The following B3GALT1 variants were observed in gnomAD, a reference collection of about 807,000 sequenced individuals.
The protein encoded by B3GALT1 is beta-1,3-galactosyltransferase 1.
Under a neutral mutation model 23.2 loss-of-function variants are expected in B3GALT1, and 10 were observed. The ratio of observed to expected loss-of-function variants is 0.43; its 90% confidence interval spans 0.27 to 0.73. The LOEUF (loss-of-function observed/expected upper bound fraction) is 0.73, where lower values mean the gene tolerates loss of function less well. B3GALT1 is among the 30% of genes least tolerant of loss of function. The probability of loss-of-function intolerance (pLI) is 0.21; values close to 1 mark genes in which losing one functional copy is unlikely to be tolerated. For synonymous variants in B3GALT1, 156 were observed against 141.5 expected (o/e 1.10, Z -0.73); for missense variants, 299 against 405.4 (o/e 0.74, Z 2.25).
At chr2:167,633,303 C>T (rs1472590124) in intron 2 of B3GALT1, among the ~76,000 whole-genome samples, 3 of 151,120 alleles carry the variant, frequency 2.0e-5, no homozygotes, top group Non-Finnish European at 4.4e-5. Flanking sequence ...TTGGATTACC[C>T]ACAAAGGGAA....
intron 2 of B3GALT1, among the ~76,000 whole-genome samples, chr2:167,593,933 G>T (rs187724514): frequency 1.3e-5 from 2 of 152,304 alleles, no homozygotes; most frequent in East Asian, 1.9e-4. Flanking sequence ...TATGAGAATG[G>T]ATAAACCACC....
chr2:167,477,470 G>A (rs765290659), intron 1 of B3GALT1, among the ~76,000 whole-genome samples: 15 of 152,176 alleles, frequency 9.9e-5, no homozygotes, highest in Non-Finnish European at 1.8e-4. Context: ...ATAAAATTAG[G>A]TGATTAGACA....
intron 3 of B3GALT1, among the ~76,000 whole-genome samples, chr2:167,752,699 T>A (rs1229323878): frequency 6.6e-6 from 1 of 151,326 alleles, no homozygotes; most frequent in Non-Finnish European, 1.5e-5. Context: ...ATCTCCTAGG[T>A]GAACAAAGCT....
intron 4 of B3GALT1, among the ~76,000 whole-genome samples, chr2:167,847,059 A>G (rs1015594905): frequency 6.6e-6 from 1 of 152,192 alleles, no homozygotes; most frequent in African/African-American, 2.4e-5. Flanking sequence ...AAATATCACA[A>G]TCCTAAACAT....
At chr2:167,718,203 T>C (rs1687180919) in intron 3 of B3GALT1, among the ~76,000 whole-genome samples, 1 of 152,168 alleles carries the variant, frequency 6.6e-6, no homozygotes, top group African/African-American at 2.4e-5. Flanking sequence ...TCAGCAAGAA[T>C]TAAGATTCTC....
At chr2:167,557,426 T>C (rs1683874077) in intron 2 of B3GALT1, among the ~76,000 whole-genome samples, 1 of 152,218 alleles carries the variant, frequency 6.6e-6, no homozygotes, top group Non-Finnish European at 1.5e-5. Context: ...ATTTTAGGTT[T>C]GTTATATATT....
intron 1 of B3GALT1, among the ~76,000 whole-genome samples, chr2:167,454,215 A>G (rs201764484): frequency 0.012 from 1,834 of 149,032 alleles, 43 homozygotes; most frequent in African/African-American, 0.045. Flanking sequence ...GTGTGTGCGC[A>G]CGCGCGCGTG....
At chr2:167,659,283 AT>A (rs1310553459) in intron 3 of B3GALT1, among the ~76,000 whole-genome samples, 3 of 151,800 alleles carry the variant, frequency 2.0e-5, no homozygotes, top group Non-Finnish European at 2.9e-5. Flanking sequence ...AATTTTTTAA[AT>A]TGTTACCCTT....
intron 1 of B3GALT1, among the ~76,000 whole-genome samples, chr2:167,461,191 C>A: frequency 6.6e-6 from 1 of 152,178 alleles, no homozygotes; most frequent in Non-Finnish European, 1.5e-5. Flanking sequence ...CCACTCTGGG[C>A]CCCACAAGCC....
At chr2:167,691,084 AAATTC>A (rs1422618233) in intron 3 of B3GALT1, among the ~76,000 whole-genome samples, 1 of 152,170 alleles carries the variant, frequency 6.6e-6, no homozygotes, top group Non-Finnish European at 1.5e-5. Context: ...ATTGATGTTT[AAATTC>A]AATGATAAGT....
At chr2:167,605,790 A>C (rs1358045790) in intron 2 of B3GALT1, among the ~76,000 whole-genome samples, 1 of 152,204 alleles carries the variant, frequency 6.6e-6, no homozygotes, top group Non-Finnish European at 1.5e-5. Flanking sequence ...ACCTCAGAAC[A>C]AGGTTAACAG....
chr2:167,467,825 T>C (rs1377850950), intron 1 of B3GALT1, among the ~76,000 whole-genome samples: 1 of 152,186 alleles, frequency 6.6e-6, no homozygotes, highest in East Asian at 1.9e-4. Flanking sequence ...TATTCATTGA[T>C]TCATTTATTC....
chr2:167,668,925 G>T (rs1354893638), intron 3 of B3GALT1, among the ~76,000 whole-genome samples: 1 of 152,190 alleles, frequency 6.6e-6, no homozygotes, highest in Non-Finnish European at 1.5e-5. Context: ...CGCTCACGCT[G>T]GGAGCTATAG....
chr2:167,713,892 T>C (rs1050588973), intron 3 of B3GALT1: 66 of 1,583,646 alleles, frequency 4.2e-5, no homozygotes, highest in Non-Finnish European at 5.6e-5. Context: ...CCAAACATGG[T>C]TCCTGGAGGA....
intron 1 of B3GALT1, among the ~76,000 whole-genome samples, chr2:167,468,745 G>A (rs1490131631): frequency 6.6e-6 from 1 of 152,150 alleles, no homozygotes; most frequent in Non-Finnish European, 1.5e-5. Flanking sequence ...TGTGGCACAT[G>A]CCTGAGTCCC....
At chr2:167,686,500 A>C (rs1574212546) in intron 3 of B3GALT1, among the ~76,000 whole-genome samples, 1 of 152,300 alleles carries the variant, frequency 6.6e-6, no homozygotes, top group East Asian at 1.9e-4. Flanking sequence ...TGCCATTTTA[A>C]GCATCTACTG....
chr2:167,420,242 C>G (rs1227537654), intron 1 of B3GALT1, among the ~76,000 whole-genome samples: 1 of 152,176 alleles, frequency 6.6e-6, no homozygotes, highest in Non-Finnish European at 1.5e-5. Context: ...GGATTAGTAA[C>G]CAGAGAAATG....
At chr2:167,680,634 T>A (rs1329485487) in intron 3 of B3GALT1, among the ~76,000 whole-genome samples, 1 of 152,210 alleles carries the variant, frequency 6.6e-6, no homozygotes. Flanking sequence ...GCTAGCTATT[T>A]GTGATTCATG....
At chr2:167,662,602 T>C (rs1401412233) in intron 3 of B3GALT1, among the ~76,000 whole-genome samples, 1 of 152,120 alleles carries the variant, frequency 6.6e-6, no homozygotes, top group Non-Finnish European at 1.5e-5. Context: ...TAAGGTCTAT[T>C]CTCCACTGTA....
Sources: gnomAD v4.1 joint callset for allele counts (sites outside exome capture counted in the v4.1 genomes callset) on GRCh38, gnomAD v4.1.1 for gene constraint, MANE v1.5 for transcripts, NCBI Gene and HGNC (gene_info 2026-07-23, HGNC 2026-07-21) for gene names.